SEC24D: variants seen among roughly 807,000 people sequenced by gnomAD.
The protein encoded by SEC24D is SEC24 homolog D, COPII component.
A neutral mutation model predicts 116.9 loss-of-function variants in SEC24D; 69 were observed. The observed-to-expected ratio is 0.59, with a 90% CI of 0.49 to 0.72. The LOEUF (loss-of-function observed/expected upper bound fraction) is 0.72. Among genes scored for constraint, SEC24D ranks in the 30% least tolerant of loss-of-function variants. SEC24D has a pLI of 0.00. For missense variants in SEC24D, 1,131 were observed against 1,264.1 expected (o/e 0.89, Z 1.60); for synonymous variants, 405 against 442.8 (o/e 0.91, Z 1.07).
rs199755688 is a variant in SEC24D, at chr4:118,817,216, T to G, written c.397+48A>C. On this transcript the variant is annotated intron_variant, in intron 4 of 22. Transcript: ENST00000280551. ...TGAAGAAAACCTCTCTCATTAAAAA[T>G]GACCAGGACACAAGGCAGTCAATAA... is the stretch of plus-strand genomic sequence containing the variant. 6.8e-6 allele frequency: 10 copies of G among 1,473,458 alleles called. No homozygotes were observed. The East Asian group carries it at 2.3e-4, about 34-fold the overall frequency. 91.3% of individuals were successfully genotyped at this position (1,473,458 alleles called of 1,614,324 possible).
intron 6 of SEC24D, among the ~76,000 whole-genome samples, 179 bp downstream of exon 6, chr4:118,814,849 T>C (rs986396700): frequency 6.6e-6 from 1 of 152,122 alleles, no homozygotes; most frequent in African/African-American, 2.4e-5. Flanking sequence ...AGTATGCCCA[T>C]AACCCTAGCA....
chr4:118,780,145 C>T (rs1462210082), intron 8 of SEC24D, among the ~76,000 whole-genome samples: 2 of 152,160 alleles, frequency 1.3e-5, no homozygotes, highest in African/African-American at 4.8e-5. Flanking sequence ...CTTCTGCTAG[C>T]TTTTGAATGT....
chr4:118,730,258 A>T (rs1725617447), intron 21 of SEC24D: 1 of 152,194 alleles, frequency 6.6e-6, no homozygotes, highest in Non-Finnish European at 1.5e-5. Flanking sequence ...AATTGCATTT[A>T]TAATCATTTC....
intron 6 of SEC24D, among the ~76,000 whole-genome samples, chr4:118,812,528 A>G (rs1729961682): frequency 6.6e-6 from 1 of 152,174 alleles, no homozygotes; most frequent in Non-Finnish European, 1.5e-5. Context: ...GCAGCTGGAC[A>G]GCGAGAGGAC....
At chr4:118,769,294 C>T (rs1309037464) in intron 8 of SEC24D, among the ~76,000 whole-genome samples, 1 of 152,152 alleles carries the variant, frequency 6.6e-6, no homozygotes, top group Non-Finnish European at 1.5e-5. Flanking sequence ...AAGCATGATA[C>T]ATCTTTTACA....
In SEC24D at chr4:118,766,196, T is replaced by C. The variant is rs189548685; in HGVS notation, c.1181-1279A>G. Among the ~76,000 whole-genome samples the C allele has an allele frequency of 3.3e-3, 496 of 152,342 alleles. 2 individuals carry two copies. The highest frequency in any genetic ancestry group is 0.011 in the African/African-American group (467 of 41,568). ...TTATTTTATATTCATTAGCATTTAA[T>C]ATTGTCTATCATCTTTTGTAAGCCA... On this transcript the variant is annotated intron_variant, in intron 9 of 22. Coordinates refer to ENST00000280551, the MANE Select transcript of SEC24D (RefSeq NM_014822.4).
chr4:118,835,031 G>A (rs1012695970), intron 1 of SEC24D, among the ~76,000 whole-genome samples: 3 of 152,132 alleles, frequency 2.0e-5, no homozygotes, highest in African/African-American at 7.2e-5. Flanking sequence ...TGAAAAAGAG[G>A]AGAGAGGCAG....
chr4:118,802,004 G>A (rs960832415), intron 7 of SEC24D, among the ~76,000 whole-genome samples: 4 of 152,180 alleles, frequency 2.6e-5, no homozygotes, highest in African/African-American at 9.7e-5. Context: ...CTCCAGGAAA[G>A]GGCTTAGAAA....
chr4:118,813,625 C>T (rs1730012816), intron 6 of SEC24D, among the ~76,000 whole-genome samples: 1 of 152,218 alleles, frequency 6.6e-6, no homozygotes, highest in East Asian at 1.9e-4. Context: ...AATCCATTCA[C>T]AAGGGCAGAG....
At chr4:118,777,431 A>C (rs760941561) in intron 8 of SEC24D, among the ~76,000 whole-genome samples, 3 of 152,110 alleles carry the variant, frequency 2.0e-5, no homozygotes, top group Admixed American at 6.6e-5. Context: ...CATGACCCTA[A>C]AAAGGACATA....
intron 2 of SEC24D, chr4:118,825,462 A>G (rs2110536462): frequency 2.3e-6 from 1 of 430,126 alleles, no homozygotes; most frequent in Non-Finnish European, 4.6e-6. Context: ...TCTCTTTGGA[A>G]CTGTCTTCAG....
At position 118,831,613 on chromosome 4, in the gene SEC24D, AT is replaced by A. The variant is rs749221927; in HGVS notation, c.118+1965del. ...TTTAATCCATTATGAGATTTTTTTG[AT>A]TTTTTTTTTTTTTAGCTCATCAGCT... is the stretch of plus-strand genomic sequence containing the variant. On this transcript the variant is annotated intron_variant, in intron 2 of 22. Transcript: ENST00000280551. Among the ~76,000 whole-genome samples, 1,235 of 141,046 alleles carry A rather than the reference AT, an allele frequency of 8.8e-3. 2 individuals are homozygous for A. Among genetic ancestry groups the A allele is most frequent in the African/African-American group, 0.017 (641 of 38,660 alleles). The allele number at this position is 141,046 out of a possible 152,430, so 92.5% of individuals were successfully genotyped here. A position where few individuals can be genotyped will look rare whatever the true frequency, so the allele number is the denominator to read the frequency against.
At chr4:118,806,286 A>C (rs1250065526) in intron 6 of SEC24D, among the ~76,000 whole-genome samples, 1 of 151,918 alleles carries the variant, frequency 6.6e-6, no homozygotes, top group East Asian at 1.9e-4. Context: ...TTTTTATCCA[A>C]TTTGTTTATT....
intron 10 of SEC24D, 97 bp from the exon 11 acceptor site, chr4:118,757,942 C>T (rs1727190981): frequency 5.0e-6 from 5 of 997,690 alleles, no homozygotes; most frequent in Non-Finnish European, 7.3e-6. Flanking sequence ...TCAGATGTTT[C>T]ATTTAATATT....
At chr4:118,754,472 T>G (rs1011456322) in intron 11 of SEC24D, among the ~76,000 whole-genome samples, 1 of 152,136 alleles carries the variant, frequency 6.6e-6, no homozygotes, top group Non-Finnish European at 1.5e-5. Flanking sequence ...ATCATTCTCA[T>G]TGGGCTCTTA....
intron 8 of SEC24D, among the ~76,000 whole-genome samples, chr4:118,792,284 C>T (rs1358804343): frequency 6.7e-6 from 1 of 149,932 alleles, no homozygotes; most frequent in Non-Finnish European, 1.5e-5. Context: ...GGGCAGCCCC[C>T]GCCCGGCCAG....
In SEC24D at chr4:118,805,990, G is replaced by A. The variant is rs922032645; in HGVS notation, c.802-36C>T. The A allele has an allele frequency of 9.5e-6, 13 of 1,369,280 alleles. No homozygotes were observed. The African/African-American group carries it at 1.6e-4, about 17-fold the overall frequency. 84.8% of individuals were successfully genotyped at this position (1,369,280 alleles called of 1,614,324 possible). On this transcript the variant is annotated intron_variant, in intron 6 of 22. Transcript: ENST00000280551. ...AGACATCAAGAGCCCGTTAAAGTAG[G>A]TTCCAGTTCTTCCCAACATTCCATT...
At chr4:118,799,227 G>A (rs1175478681) in intron 7 of SEC24D, among the ~76,000 whole-genome samples, 1 of 152,200 alleles carries the variant, frequency 6.6e-6, no homozygotes, top group Non-Finnish European at 1.5e-5. Flanking sequence ...GAAGATGTGA[G>A]TGTGAGAGAG....
chr4:118,739,126 C>T (rs1163394584), intron 18 of SEC24D, 23 bp downstream of exon 18: 5 of 1,611,790 alleles, frequency 3.1e-6, no homozygotes, highest in Middle Eastern at 1.7e-4. Flanking sequence ...GTTTACTGAA[C>T]CTCAGGATTG....
Sources: allele counts gnomAD v4.1 joint callset (sites outside exome capture counted in the v4.1 genomes callset), GRCh38; gene constraint gnomAD v4.1.1; transcripts MANE v1.5; gene names NCBI Gene and HGNC (gene_info 2026-07-23, HGNC 2026-07-21).